Variants in NEGR1 observed in about 807,000 individuals in gnomAD.
NEGR1 encodes neuronal growth regulator 1.
Under a neutral mutation model 40.9 loss-of-function variants are expected in NEGR1, and 10 were observed. That is an observed-to-expected ratio of 0.24 (90% CI 0.15 to 0.42). NEGR1 has a LOEUF of 0.42. NEGR1 is among the 10% of genes least tolerant of loss of function. The probability of loss-of-function intolerance (pLI) is 1.00; values close to 1 mark genes in which losing one functional copy is unlikely to be tolerated. For missense variants in NEGR1, 352 were observed against 438.9 expected, an observed-to-expected ratio of 0.80 and a Z score of 1.77; for synonymous variants, 185 against 166.8, an observed-to-expected ratio of 1.11 and a Z score of -0.84.
intron 1 of NEGR1, among the ~76,000 whole-genome samples, chr1:72,120,052 G>T (rs989398284): frequency 1.3e-5 from 2 of 151,892 alleles, no homozygotes; most frequent in Non-Finnish European, 2.9e-5. Flanking sequence ...AACCTTTTGG[G>T]TTTTACATAA....
Position 71,611,048 on chromosome 1 carries a change from C to G in NEGR1, c.766G>C (p.Glu256Gln), listed in dbSNP as rs1320611514. ...EGAGVPPPAF[E>Q]WYKGEKKLFN... ...CACTTCTTCTCTCCTTTGTACCATT[C>G]AAAGGCTGGAGGCGGCACACCTGCA... The change falls in exon 5 of 7, where the codon GAA becomes CAA. Residue 256 changes from glutamate to glutamine, a missense_variant. Physicochemically the swap from Glu to Gln is conservative, Grantham distance 29. This residue lies in a region of NEGR1 where 184 missense variants were observed against 208.7 expected (regional missense o/e 0.88). Coordinates refer to ENST00000357731, the MANE Select transcript of NEGR1 (RefSeq NM_173808.3). 6.2e-7 allele frequency: 1 copy of G among 1,613,986 alleles called. No homozygotes were observed. The highest frequency in any genetic ancestry group is 1.3e-5 in the African/African-American group (1 of 74,922).
chr1:71,634,523 T>C (rs1344679159), intron 4 of NEGR1, among the ~76,000 whole-genome samples: 2 of 152,156 alleles, frequency 1.3e-5, no homozygotes, highest in Non-Finnish European at 2.9e-5. Flanking sequence ...GGCTGCAGGA[T>C]GGAAAGCCAG....
At chr1:72,163,880 A>T (rs543264309) in intron 1 of NEGR1, among the ~76,000 whole-genome samples, 1 of 152,238 alleles carries the variant, frequency 6.6e-6, no homozygotes, top group East Asian at 1.9e-4. Context: ...ATACAAAATA[A>T]GAATGGTATC....
chr1:72,166,224 GT>G (rs1651759997), intron 1 of NEGR1, among the ~76,000 whole-genome samples: 1 of 151,760 alleles, frequency 6.6e-6, no homozygotes, highest in Admixed American at 6.6e-5. Flanking sequence ...CAAGTTTCAG[GT>G]TAAAAAAAAT....
intron 1 of NEGR1, among the ~76,000 whole-genome samples, chr1:72,214,164 AC>A (rs2100468148): frequency 6.6e-6 from 1 of 152,054 alleles, no homozygotes; most frequent in South Asian, 2.1e-4. Context: ...AAAATTCAAC[AC>A]CCCTTCATGA....
intron 2 of NEGR1, among the ~76,000 whole-genome samples, chr1:71,831,018 A>G (rs1287565788): frequency 6.6e-6 from 1 of 151,974 alleles, no homozygotes; most frequent in African/African-American, 2.4e-5. Context: ...AAACGTTTCT[A>G]AAGACCAGCT....
chr1:72,081,278 C>A (rs535549142), intron 1 of NEGR1, among the ~76,000 whole-genome samples: 1 of 151,830 alleles, frequency 6.6e-6, no homozygotes, highest in East Asian at 1.9e-4. Context: ...TCAAGTCTTG[C>A]CCTATCTAAT....
intron 6 of NEGR1, chr1:71,477,522 T>C (rs1646828953): frequency 6.6e-6 from 1 of 152,310 alleles, no homozygotes; most frequent in African/African-American, 2.4e-5. Context: ...TAGTACTGTT[T>C]ATGCCTGCAG....
Position 71,760,591 on chromosome 1 carries a change from G to T in NEGR1, c.535+15581C>A, listed in dbSNP as rs1320554111. Among the ~76,000 whole-genome samples, 6 of 152,248 alleles carry T rather than the reference G, an allele frequency of 3.9e-5. No homozygotes were observed. In the East Asian group the frequency reaches 7.7e-4, roughly 20 times the overall value. The stretch of plus-strand genomic sequence containing the variant: ...AAAGCCATTTTGGAAATTCACAAAA[G>T]CTCCACATAGAATGCAACTCTGCAA... On this transcript the variant is annotated intron_variant, in intron 3 of 6. Coordinates refer to ENST00000357731, the MANE Select transcript of NEGR1 (RefSeq NM_173808.3).
intron 4 of NEGR1, among the ~76,000 whole-genome samples, chr1:71,656,971 G>T (rs1651899104): frequency 6.6e-6 from 1 of 152,128 alleles, no homozygotes; most frequent in African/African-American, 2.4e-5. Context: ...ATTGCAGCAT[G>T]GATATCTAAT....
chr1:71,946,614 C>A (rs1646021923), intron 1 of NEGR1, among the ~76,000 whole-genome samples: 1 of 152,050 alleles, frequency 6.6e-6, no homozygotes, highest in Non-Finnish European at 1.5e-5. Context: ...TTCTACTTAT[C>A]CCTCATAATT....
chr1:71,663,109 A>G (rs1222399660), intron 4 of NEGR1, among the ~76,000 whole-genome samples: 2 of 151,980 alleles, frequency 1.3e-5, no homozygotes, highest in African/African-American at 4.8e-5. Context: ...GGCGCCTGCC[A>G]CCATGCCTGG....
chr1:72,214,633 T>C (rs552114830), intron 1 of NEGR1, among the ~76,000 whole-genome samples: 7 of 151,874 alleles, frequency 4.6e-5, no homozygotes, highest in Middle Eastern at 3.4e-3. Context: ...GAGAATAAAA[T>C]ACCTAGGAAT....
At chr1:71,501,051 C>G (rs1646995652) in intron 6 of NEGR1, among the ~76,000 whole-genome samples, 1 of 151,944 alleles carries the variant, frequency 6.6e-6, no homozygotes, top group Non-Finnish European at 1.5e-5. Flanking sequence ...AAAATTGTCA[C>G]AGATTTTGTC....
intron 1 of NEGR1, among the ~76,000 whole-genome samples, chr1:71,980,897 G>T (rs969282549): frequency 2.6e-5 from 4 of 151,860 alleles, no homozygotes; most frequent in Non-Finnish European, 5.9e-5. Flanking sequence ...TTCTTTATTT[G>T]GCTTCCTCTT....
intron 1 of NEGR1, among the ~76,000 whole-genome samples, chr1:72,092,427 C>T (rs1156989068): frequency 1.3e-5 from 2 of 152,086 alleles, no homozygotes; most frequent in Non-Finnish European, 2.9e-5. Context: ...TCTAGCTGAA[C>T]CAGAAATTTA....
chr1:71,440,257 A>C (rs1363774093), intron 6 of NEGR1, among the ~76,000 whole-genome samples: 1 of 152,224 alleles, frequency 6.6e-6, no homozygotes, highest in East Asian at 1.9e-4. Flanking sequence ...ATGATGTGAG[A>C]AATACTGAAT....
At chr1:71,668,090 C>G (rs1041217128) in intron 4 of NEGR1, among the ~76,000 whole-genome samples, 3 of 152,124 alleles carry the variant, frequency 2.0e-5, no homozygotes, top group Admixed American at 6.5e-5. Flanking sequence ...TAGGAACTAA[C>G]AGTTGAAACC....
rs1323312605 is a variant in NEGR1 at position 71,836,428 on chromosome 1, C to CA, written c.410-60132dup. Among the ~76,000 whole-genome samples the CA allele has an allele frequency of 4.5e-3, 514 of 115,132 alleles. 3 individuals carry two copies. Among genetic ancestry groups the CA allele is most frequent in the African/African-American group, 0.012 (365 of 31,032 alleles). The allele number at this position is 115,132 out of a possible 152,430, so 75.5% of individuals were successfully genotyped here. ...TGGGCGAGAGAGCAAGGCTCTGGCT[C>CA]AAAAAAAAAACAAAAAAACAAAAAA... On this transcript the variant is annotated intron_variant, in intron 2 of 6. Coordinates refer to ENST00000357731, the MANE Select transcript of NEGR1 (RefSeq NM_173808.3).
Sources: gnomAD v4.1 joint callset for allele counts (sites outside exome capture counted in the v4.1 genomes callset) on GRCh38, gnomAD v4.1.1 for gene constraint, gnomAD v4.1.1 regional missense constraint, MANE v1.5 for transcripts, NCBI Gene and HGNC (gene_info 2026-07-23, HGNC 2026-07-21) for gene names.